METTL15: variants seen among roughly 807,000 people sequenced by gnomAD.
METTL15 encodes the protein 12S rRNA N(4)-cytidine methyltransferase METTL15.
Under a neutral mutation model 38.3 loss-of-function variants are expected in METTL15, and 34 were observed. The ratio of observed to expected loss-of-function variants is 0.89; its 90% CI spans 0.68 to 1.18. The LOEUF (loss-of-function observed/expected upper bound fraction) is 1.18. METTL15 is among the 50% of genes most tolerant of loss of function. The pLI is 0.00. For missense variants in METTL15, 438 were observed against 498.4 expected (o/e 0.88, Z 1.15); for synonymous variants, 162 against 170.9 (o/e 0.95, Z 0.41).
At chr11:28,486,454 G>A (rs1414152638) in intron 6 of METTL15, among the ~76,000 whole-genome samples, 2 of 151,852 alleles carry the variant, frequency 1.3e-5, no homozygotes, top group Non-Finnish European at 2.9e-5. Flanking sequence ...TCCATTTCTA[G>A]AGAAATTGGC....
At chr11:28,132,635 ACC>A (rs914721961) in intron 3 of METTL15, among the ~76,000 whole-genome samples, 1 of 152,040 alleles carries the variant, frequency 6.6e-6, no homozygotes, top group African/African-American at 2.4e-5. Context: ...GTTTATATTT[ACC>A]CTACAGTGAA....
chr11:28,224,282 A>G (rs745662627), intron 4 of METTL15, among the ~76,000 whole-genome samples: 26 of 151,938 alleles, frequency 1.7e-4, no homozygotes, highest in Non-Finnish European at 3.2e-4. Context: ...GGCAAAGTTT[A>G]AAATCCATTT....
In METTL15 at chr11:28,477,322, G is replaced by A. The variant is rs539769249; in HGVS notation, c.*425-49156G>A. ...CTCCCAAGTAGCTGGGACTACAGGTGTGCACCACCATGCCTGGCTAATTTT... is the reference window on the plus strand; with the variant it reads ...CTCCCAAGTAGCTGGGACTACAGGTATGCACCACCATGCCTGGCTAATTTT... On this transcript the variant is annotated intron_variant and NMD_transcript_variant, in intron 6 of 7. Coordinates refer to the METTL15 transcript ENST00000532947. 3.3e-5 allele frequency among the ~76,000 whole-genome samples: 5 copies of A among 152,194 alleles called. No individual in the cohort carries two copies. In the East Asian group the frequency reaches 5.8e-4, roughly 18 times the overall value.
At chr11:28,493,493 AC>A (rs1485797961) in intron 6 of METTL15, among the ~76,000 whole-genome samples, 1 of 152,200 alleles carries the variant, frequency 6.6e-6, no homozygotes, top group African/African-American at 2.4e-5. Flanking sequence ...CAGTTTCTTA[AC>A]CAGTGTGCTC....
intron 6 of METTL15, among the ~76,000 whole-genome samples, chr11:28,452,978 C>A (rs913893896): frequency 1.3e-5 from 2 of 152,200 alleles, no homozygotes; most frequent in African/African-American, 4.8e-5. Context: ...ATCACATTGT[C>A]ATAGATTCTC....
chr11:28,521,741 A>G (rs374777373), intron 6 of METTL15, among the ~76,000 whole-genome samples: 1 of 152,060 alleles, frequency 6.6e-6, no homozygotes, highest in African/African-American at 2.4e-5. Flanking sequence ...GGTTCCTTCC[A>G]TGTCCTAGTC....
chr11:28,221,012 C>A (rs909206039), intron 4 of METTL15, among the ~76,000 whole-genome samples: 1 of 152,176 alleles, frequency 6.6e-6, no homozygotes, highest in Non-Finnish European at 1.5e-5. Flanking sequence ...TTCATTTCAA[C>A]TTTGGTGAAT....
chr11:28,201,125 T>C (rs1852097385), intron 3 of METTL15, among the ~76,000 whole-genome samples: 1 of 152,182 alleles, frequency 6.6e-6, no homozygotes. Flanking sequence ...TGAAGCGATG[T>C]TGAATTTTAT....
chr11:28,487,197 C>G (rs1164615660), intron 6 of METTL15, among the ~76,000 whole-genome samples: 1 of 152,072 alleles, frequency 6.6e-6, no homozygotes, highest in African/African-American at 2.4e-5. Flanking sequence ...AGCACATCCA[C>G]TTTTAGAAAT....
At chr11:28,145,426 A>C (rs1849847411) in intron 3 of METTL15, 1 of 152,060 alleles carries the variant, frequency 6.6e-6, no homozygotes, top group Non-Finnish European at 1.5e-5. Context: ...GACATCTATA[A>C]CATAATGGAT....
chr11:28,400,392 C>G (rs1850619596), intron 5 of METTL15, among the ~76,000 whole-genome samples: 1 of 151,936 alleles, frequency 6.6e-6, no homozygotes, highest in African/African-American at 2.4e-5. Context: ...ACACCTTGGA[C>G]TGACCTCCCA....
chr11:28,221,145 C>A (rs1306067756), intron 4 of METTL15, among the ~76,000 whole-genome samples: 1 of 152,154 alleles, frequency 6.6e-6, no homozygotes, highest in African/African-American at 2.4e-5. Context: ...GGATAGTATC[C>A]TGCAGACTGT....
At chr11:28,221,354 G>A (rs915186842) in intron 4 of METTL15, among the ~76,000 whole-genome samples, 3 of 151,916 alleles carry the variant, frequency 2.0e-5, no homozygotes, top group Admixed American at 6.6e-5. Flanking sequence ...TGATCGAATC[G>A]GCTACTGAAG....
At chr11:28,229,206 T>G (rs2133879083) in intron 4 of METTL15, among the ~76,000 whole-genome samples, 1 of 152,128 alleles carries the variant, frequency 6.6e-6, no homozygotes, top group African/African-American at 2.4e-5. Context: ...TTATATTAAT[T>G]ATTATTGTCA....
chr11:28,207,784 A>G (rs1852422307), intron 3 of METTL15, among the ~76,000 whole-genome samples: 2 of 152,144 alleles, frequency 1.3e-5, no homozygotes, highest in African/African-American at 2.4e-5. Flanking sequence ...CCACAGTTTC[A>G]GATCCTGTTA....
intron 4 of METTL15, among the ~76,000 whole-genome samples, chr11:28,267,381 C>A (rs1469275374): frequency 6.6e-6 from 1 of 152,072 alleles, no homozygotes; most frequent in Non-Finnish European, 1.5e-5. Flanking sequence ...TCTCCCCTTC[C>A]AGTATTTGCT....
intron 6 of METTL15, among the ~76,000 whole-genome samples, chr11:28,489,236 T>A (rs1030966122): frequency 2.6e-5 from 4 of 152,152 alleles, no homozygotes; most frequent in African/African-American, 7.2e-5. Flanking sequence ...ACATGTTTGG[T>A]ACCCCAGCCC....
At chr11:28,517,815 G>A (rs1288889218) in intron 6 of METTL15, among the ~76,000 whole-genome samples, 1 of 152,222 alleles carries the variant, frequency 6.6e-6, no homozygotes, top group African/African-American at 2.4e-5. Flanking sequence ...GGAGACTCCA[G>A]TGGTTTCTCA....
In METTL15 at chr11:28,330,625, A is replaced by C; in HGVS notation, c.1008A>C (p.Ile336=). Residue 336 remains isoleucine, a synonymous_variant, in exon 7 of 7, where the codon ATA becomes ATC. Transcript: ENST00000407364. ...TCGTCAAAAGATTTTTGCTTGGAATAAGCATGACAGAAAGATTTAACCTAA... is the reference window on the plus strand; with the variant it reads ...TCGTCAAAAGATTTTTGCTTGGAATCAGCATGACAGAAAGATTTAACCTAA... The part of the protein sequence containing the change: ...DRIVKRFLLG[I]SMTERFNLSV... 1.3e-6 allele frequency: 2 copies of C among 1,551,490 alleles called. No homozygotes were observed. Among genetic ancestry groups the C allele is most frequent in the Non-Finnish European group, 1.7e-6 (2 of 1,146,824 alleles).
Sources: allele counts gnomAD v4.1 joint callset (sites outside exome capture counted in the v4.1 genomes callset), GRCh38; gene constraint gnomAD v4.1.1; transcripts MANE v1.5; gene names NCBI Gene and HGNC (gene_info 2026-07-23, HGNC 2026-07-21).